The following SLC35F4 variants were observed in gnomAD, a reference collection of about 807,000 sequenced individuals.
SLC35F4 encodes the protein chromosome 14 open reading frame 36.
Under a neutral mutation model 44.2 loss-of-function variants are expected in SLC35F4, and 24 were observed. The ratio of observed to expected loss-of-function variants is 0.54; its 90% confidence interval spans 0.39 to 0.76. The LOEUF (loss-of-function observed/expected upper bound fraction) is 0.76. SLC35F4 is among the 30% of genes least tolerant of loss of function. The pLI is 0.00. For synonymous variants in SLC35F4, 238 were observed against 223.6 expected (o/e 1.06, Z -0.57); for missense variants, 562 against 586.1 (o/e 0.96, Z 0.42).
intron 1 of SLC35F4, among the ~76,000 whole-genome samples, chr14:57,800,396 C>T (rs561660097): frequency 6.6e-6 from 1 of 152,282 alleles, no homozygotes; most frequent in South Asian, 2.1e-4. Context: ...GCTAAGCCCA[C>T]AAAGATGAGA....
Position 57,898,602 on chromosome 14 carries a change from T to C in SLC35F4, n.282+83311A>G, listed in dbSNP as rs531511253. On this transcript the variant is annotated intron_variant and non_coding_transcript_variant, in intron 1 of 1. Coordinates refer to the SLC35F4 transcript ENST00000556568. ...GATGCAACTATTCATCCACTTCAAG[T>C]GAGGCAACAAGCACTTAAAATATTT... 2.4e-4 allele frequency among the ~76,000 whole-genome samples: 36 copies of C among 152,338 alleles called. No individual in the cohort carries two copies. In the South Asian group the frequency reaches 6.2e-3, roughly 26 times the overall value.
At chr14:57,665,177 T>C (rs73305926) in intron 1 of SLC35F4, among the ~76,000 whole-genome samples, 3,939 of 149,420 alleles carry the variant, frequency 0.026, 163 homozygotes, top group African/African-American at 0.09. Context: ...GGGAACAAGC[T>C]GAGGTTTATA....
At chr14:57,919,496 A>T (rs1045179237) in intron 1 of SLC35F4, among the ~76,000 whole-genome samples, 11 of 152,180 alleles carry the variant, frequency 7.2e-5, no homozygotes, top group Admixed American at 2.6e-4. Flanking sequence ...TTCCCATCAT[A>T]CTTCACTTCT....
chr14:57,628,733 C>T lies in SLC35F4; in HGVS notation c.104-34609G>A, dbSNP rs531266544. On this transcript the variant is annotated intron_variant, in intron 1 of 7. Coordinates refer to ENST00000556826, the MANE Select transcript of SLC35F4 (RefSeq NM_001306087.2). ...TGTTAGCAAAGTCAAAGACACGAAA[C>T]CTCTTAAACACAATAATAAGAGTTT... Among the ~76,000 whole-genome samples the T allele has an allele frequency of 5.3e-5, 8 of 152,186 alleles. No individual in the cohort carries two copies. The South Asian group carries it at 8.3e-4, about 16-fold the overall frequency.
chr14:57,648,268 G>A (rs975216140), intron 1 of SLC35F4, among the ~76,000 whole-genome samples: 1 of 152,078 alleles, frequency 6.6e-6, no homozygotes, highest in Non-Finnish European at 1.5e-5. Context: ...CCTCAAAAAT[G>A]GAATTGATGA....
chr14:57,769,572 A>G (rs2077312443), intron 1 of SLC35F4, among the ~76,000 whole-genome samples: 1 of 152,228 alleles, frequency 6.6e-6, no homozygotes, highest in Admixed American at 6.5e-5. Flanking sequence ...TTCTCATTTT[A>G]GAAGATGAAT....
chr14:57,772,705 C>T (rs975452193), intron 1 of SLC35F4, among the ~76,000 whole-genome samples: 1 of 152,176 alleles, frequency 6.6e-6, no homozygotes. Flanking sequence ...TATTTCATGG[C>T]TGCATAGTAT....
chr14:57,868,851 A>G (rs28582987), upstream of SLC35F4, among the ~76,000 whole-genome samples: 16,715 of 152,160 alleles, frequency 0.11, 2,842 homozygotes, highest in African/African-American at 0.36. Context: ...TTTACAAACT[A>G]TGAGTTGCAA....
At chr14:57,951,741 C>A (rs1890143376) in intron 1 of SLC35F4, among the ~76,000 whole-genome samples, 2 of 152,236 alleles carry the variant, frequency 1.3e-5, no homozygotes, top group South Asian at 4.1e-4. Flanking sequence ...CTAGATTTCT[C>A]CTTTCTCGGC....
chr14:57,588,358 T>C (rs949297366), intron 3 of SLC35F4, among the ~76,000 whole-genome samples: 7 of 68,244 alleles, frequency 1.0e-4, no homozygotes, highest in Non-Finnish European at 2.4e-4. Flanking sequence ...GGTGTCCCTA[T>C]TTTTTTTTCT....
intron 1 of SLC35F4, among the ~76,000 whole-genome samples, chr14:57,598,021 G>A (rs2139956697): frequency 6.6e-6 from 1 of 152,240 alleles, no homozygotes; most frequent in African/African-American, 2.4e-5. Context: ...AAACTAAATT[G>A]GTTTAAAGCT....
intron 6 of SLC35F4, among the ~76,000 whole-genome samples, chr14:57,568,584 T>C (rs1406408167): frequency 6.6e-6 from 1 of 152,202 alleles, no homozygotes. Flanking sequence ...AATTAATGTT[T>C]GATCCTTCTC....
chr14:57,980,876 A>T (rs1881358756), intron 1 of SLC35F4, among the ~76,000 whole-genome samples: 1 of 152,224 alleles, frequency 6.6e-6, no homozygotes, highest in African/African-American at 2.4e-5. Flanking sequence ...CAGATATAGA[A>T]TACTTCCATA....
rs768394176 is a variant in SLC35F4 at position 57,791,434 on chromosome 14, C to G, written c.103+74289G>C. On this transcript the variant is annotated intron_variant, in intron 1 of 7. Transcript: ENST00000556826. ...GCAAATCAAAACCACAATGAAATAC[C>G]ATCTCATACCAGTTAGAATGGCGAT... Among the ~76,000 whole-genome samples the G allele has an allele frequency of 2.6e-5, 4 of 152,272 alleles. No homozygotes were observed. In the East Asian group the frequency reaches 5.8e-4, roughly 22 times the overall value.
chr14:57,828,237 G>T (rs776177068), intron 1 of SLC35F4, among the ~76,000 whole-genome samples: 7 of 152,088 alleles, frequency 4.6e-5, no homozygotes. Flanking sequence ...CAATGCCAGA[G>T]ATCTCCATTT....
In SLC35F4 at chr14:57,580,506, C is replaced by A. The variant is rs576225523; in HGVS notation, c.807+708G>T. ...GCATGCCGGATTATATGAATGAGAT[C>A]TGGCTCCTTAAATCTTCAGGGCTTC... On this transcript the variant is annotated intron_variant, in intron 4 of 7. Coordinates refer to ENST00000556826, the MANE Select transcript of SLC35F4 (RefSeq NM_001306087.2). The A allele has an allele frequency of 1.0e-5, 4 of 396,798 alleles. No homozygotes were observed. The East Asian group carries it at 3.2e-4, about 32-fold the overall frequency. The allele number at this position is 396,798 out of a possible 1,614,324, so 24.6% of individuals were successfully genotyped here.
At chr14:57,577,138 C>T (rs924992613) in intron 4 of SLC35F4, among the ~76,000 whole-genome samples, 8 of 152,170 alleles carry the variant, frequency 5.3e-5, no homozygotes, top group Non-Finnish European at 7.3e-5. Context: ...TGTCAAGTTA[C>T]GTGTCATCTT....
intron 1 of SLC35F4, among the ~76,000 whole-genome samples, chr14:57,888,257 T>C (rs1380323326): frequency 6.6e-6 from 1 of 152,134 alleles, no homozygotes; most frequent in Non-Finnish European, 1.5e-5. Context: ...AGGAAGCAAA[T>C]ATAAGTTTGC....
chr14:57,821,530 CA>C (rs1339842356), intron 1 of SLC35F4, among the ~76,000 whole-genome samples: 9 of 152,260 alleles, frequency 5.9e-5, no homozygotes, highest in Admixed American at 4.6e-4. Flanking sequence ...AAAACTAAAG[CA>C]AGGTGTTAAG....
Sources: allele counts gnomAD v4.1 joint callset (sites outside exome capture counted in the v4.1 genomes callset), GRCh38; gene constraint gnomAD v4.1.1; transcripts MANE v1.5; gene names NCBI Gene and HGNC (gene_info 2026-07-23, HGNC 2026-07-21).